The following DZIP1L variants were observed in gnomAD, a reference collection of about 807,000 sequenced individuals.
DZIP1L encodes the protein DAZ interacting zinc finger protein 1 like.
A neutral mutation model predicts 88.7 loss-of-function variants in DZIP1L; 90 were observed. That is an observed-to-expected ratio of 1.02 (90% confidence interval 0.86 to 1.21). The LOEUF is 1.21. Ranked by LOEUF, DZIP1L falls within the 50% of genes most tolerant of loss-of-function variation. The pLI is 0.00. For synonymous variants in DZIP1L, 363 were observed against 372.1 expected, an observed-to-expected ratio of 0.98 and a Z score of 0.28; for missense variants, 932 against 955.8, an observed-to-expected ratio of 0.98 and a Z score of 0.33.
intron 5 of DZIP1L, among the ~76,000 whole-genome samples, chr3:138,091,443 C>T (rs889760420): frequency 5.9e-5 from 9 of 151,262 alleles, no homozygotes; most frequent in Non-Finnish European, 1.2e-4. Flanking sequence ...CATGGTGAAA[C>T]CCCGTCTCTA....
chr3:138,103,434 G>T (rs745625644), intron 2 of DZIP1L, 37 bp downstream of exon 2: 5 of 1,561,212 alleles, frequency 3.2e-6, no homozygotes, highest in Admixed American at 3.5e-5. Flanking sequence ...GGGGCACACA[G>T]CCCTCCCACT....
At position 138,081,715 on chromosome 3, in the gene DZIP1L, G is replaced by A. The variant is rs147844280; in HGVS notation, c.1234+19C>T. 43 of 1,611,280 alleles carry A rather than the reference G, an allele frequency of 2.7e-5. No homozygotes were observed. In the African/African-American group the frequency reaches 5.2e-4, roughly 19 times the overall value. On this transcript the variant is annotated intron_variant, in intron 9 of 15. Transcript: ENST00000327532. ...ACAATAGTCAAGACTGCTACACACT[G>A]CCCTGTGTAGACACTTACCTTCCAC... is the stretch of plus-strand genomic sequence containing the variant.
chr3:138,102,591 T>A, intron 2 of DZIP1L: 1 of 1,465,386 alleles, frequency 6.8e-7, no homozygotes. Context: ...CCAGGAACCA[T>A]ACCTTGTCTA....
At chr3:138,071,892 CT>C in intron 11 of DZIP1L, 57 bp from the exon 12 acceptor site, 1 of 1,512,856 alleles carries the variant, frequency 6.6e-7, no homozygotes, top group Non-Finnish European at 8.9e-7. Context: ...TCTCCTTCCC[CT>C]AAGCCTCTCA....
intron 1 of DZIP1L, chr3:138,113,401 TTCC>T (rs934730067): frequency 6.6e-5 from 10 of 152,200 alleles, no homozygotes; most frequent in African/African-American, 2.4e-4. Flanking sequence ...TCTCTTCTGC[TTCC>T]TCAAGAATGC....
chr3:138,101,242 G>A (rs1333364427), intron 2 of DZIP1L, among the ~76,000 whole-genome samples: 2 of 145,636 alleles, frequency 1.4e-5, no homozygotes, highest in East Asian at 4.0e-4. Context: ...TTTTTTGGCA[G>A]AGATAGCTGA....
chr3:138,080,760 G>A, intron 9 of DZIP1L, 140 bp from the exon 10 acceptor site: 1 of 717,840 alleles, frequency 1.4e-6, no homozygotes, highest in Non-Finnish European at 2.3e-6. Context: ...AGAGAGGCAG[G>A]ACAGAGCAGA....
chr3:138,103,351 C>A (rs2042381562), intron 2 of DZIP1L, 120 bp downstream of exon 2: 1 of 1,147,242 alleles, frequency 8.7e-7, no homozygotes, highest in Non-Finnish European at 1.2e-6. Context: ...TGCTCCTAAC[C>A]AGTGAGAACA....
At position 138,081,949 on chromosome 3, in the gene DZIP1L, T is replaced by C. The variant is rs1028722280; in HGVS notation, c.1204-185A>G. ...CTGACACATCTCTGGGGTCCGTGTGTGAAAGGGAATGGCAGCATGCTCCAT... is the reference window on the plus strand; with the variant it reads ...CTGACACATCTCTGGGGTCCGTGTGCGAAAGGGAATGGCAGCATGCTCCAT... On this transcript the variant is annotated intron_variant, in intron 8 of 15. Transcript: ENST00000327532. 8.4e-5 allele frequency: 41 copies of C among 485,722 alleles called. 1 individual carries two copies. The East Asian group carries it at 1.3e-3, about 15-fold the overall frequency. 30.1% of individuals were successfully genotyped at this position (485,722 alleles called of 1,614,324 possible). A position where few individuals can be genotyped will look rare whatever the true frequency, so the allele number is the denominator to read the frequency against.
At chr3:138,072,372 T>C (rs980459906) in intron 11 of DZIP1L, among the ~76,000 whole-genome samples, 1 of 152,130 alleles carries the variant, frequency 6.6e-6, no homozygotes, top group South Asian at 2.1e-4. Context: ...AAGATGAGGA[T>C]TCATGCAAGG....
intron 11 of DZIP1L, among the ~76,000 whole-genome samples, chr3:138,072,922 G>A (rs1688565038): frequency 6.6e-6 from 1 of 152,156 alleles, no homozygotes; most frequent in Non-Finnish European, 1.5e-5. Flanking sequence ...CTGGCGACCT[G>A]TATGACTCAG....
intron 4 of DZIP1L, among the ~76,000 whole-genome samples, chr3:138,093,334 A>G (rs1005497019): frequency 1.3e-5 from 2 of 152,210 alleles, no homozygotes; most frequent in African/African-American, 4.8e-5. Flanking sequence ...GGCTTAAAAT[A>G]TTCAGTAAAC....
chr3:138,086,183 A>T (rs1943925789), intron 7 of DZIP1L, among the ~76,000 whole-genome samples: 1 of 151,722 alleles, frequency 6.6e-6, no homozygotes, highest in Non-Finnish European at 1.5e-5. Flanking sequence ...GGTGCAGCAC[A>T]CCAGCATGGC....
At chr3:138,092,258 A>C (rs1292347329) in intron 5 of DZIP1L, 125 bp downstream of exon 5, 11 of 1,088,184 alleles carry the variant, frequency 1.0e-5, no homozygotes, top group Non-Finnish European at 1.3e-5. Flanking sequence ...CAGGCCTCTG[A>C]TAACTGGCCT....
At position 138,104,026 on chromosome 3, in the gene DZIP1L, C is replaced by T; in HGVS notation, c.-55G>A. 1 of 1,555,034 alleles carries T rather than the reference C, an allele frequency of 6.4e-7. No individual in the cohort carries two copies. Among genetic ancestry groups the T allele is most frequent in the Non-Finnish European group, 8.6e-7 (1 of 1,160,292 alleles). On this transcript the variant is annotated 5_prime_UTR_variant, in exon 2 of 16. Coordinates refer to ENST00000327532, the MANE Select transcript of DZIP1L (RefSeq NM_173543.3). ...GAGGAGGGGGGCACCAAGGCCACGG[C>T]AGTAGGCCAAGGAGCTGAGAGAAGG...
intron 12 of DZIP1L, among the ~76,000 whole-genome samples, chr3:138,071,410 C>T (rs925313705): frequency 3.3e-5 from 5 of 152,214 alleles, no homozygotes; most frequent in Non-Finnish European, 7.3e-5. Context: ...TCCGGCTCTC[C>T]TCCAACTTCC....
At chr3:138,064,439 T>C in intron 15 of DZIP1L, 189 bp downstream of exon 15, 1 of 1,557,884 alleles carries the variant, frequency 6.4e-7, no homozygotes, top group Non-Finnish European at 8.6e-7. Flanking sequence ...AATGTTAACT[T>C]GGATACAAGT....
rs189952764 is a variant in DZIP1L at position 138,090,273 on chromosome 3, A to T, written c.871-1766T>A. The stretch of plus-strand genomic sequence containing the variant: ...AAGGATTATGTCCTCATTCACCAAA[A>T]CTCATAATTTTCTGACCAAAAGTAA... On this transcript the variant is annotated intron_variant, in intron 5 of 15. Transcript: ENST00000327532. Among the ~76,000 whole-genome samples, 3 of 152,276 alleles carry T rather than the reference A, an allele frequency of 2.0e-5. No individual in the cohort carries two copies. The East Asian group carries it at 5.8e-4, about 29-fold the overall frequency.
chr3:138,115,196 C>G (rs544193230), intron 1 of DZIP1L, 132 bp downstream of exon 1: 3 of 152,214 alleles, frequency 2.0e-5, no homozygotes, highest in Admixed American at 2.0e-4. Context: ...CCCGCTGCAC[C>G]CCGGCAGGGA....
Sources: allele counts gnomAD v4.1 joint callset (sites outside exome capture counted in the v4.1 genomes callset), GRCh38; gene constraint gnomAD v4.1.1; transcripts MANE v1.5; gene names NCBI Gene and HGNC (gene_info 2026-07-23, HGNC 2026-07-21).